TTBK1: variants seen among roughly 807,000 people sequenced by gnomAD.
The protein encoded by TTBK1 is tau-tubulin kinase 1.
TTBK1 carries 34 observed loss-of-function variants against 108.5 expected under a neutral mutation model. The ratio of observed to expected loss-of-function variants is 0.31; its 90% confidence interval spans 0.24 to 0.42. The LOEUF is 0.42. TTBK1 is among the 10% of genes least tolerant of loss of function. The pLI, the probability that TTBK1 is intolerant of heterozygous loss-of-function variation, is 1.00. For synonymous variants in TTBK1, 809 were observed against 795.1 expected, an observed-to-expected ratio of 1.02 and a Z score of -0.29; for missense variants, 1,539 against 1,826.0, an observed-to-expected ratio of 0.84 and a Z score of 2.86.
Position 43,269,322 on chromosome 6 carries a change from C to G in TTBK1, c.1986+5972C>G, listed in dbSNP as rs772236016. 3.9e-5 allele frequency among the ~76,000 whole-genome samples: 6 copies of G among 152,188 alleles called. No homozygotes were observed. The highest frequency in any genetic ancestry group is 3.9e-4 in the Admixed American group (6 of 15,284). ...TCCTGAGAGAAAGGGTTCCCCAGTCCAGAACAACCCTGAGCTAGGTAGGAC... is the reference window on the plus strand; with the variant it reads ...TCCTGAGAGAAAGGGTTCCCCAGTCGAGAACAACCCTGAGCTAGGTAGGAC... On this transcript the variant is annotated intron_variant, in intron 13 of 14. Coordinates refer to ENST00000259750, the MANE Select transcript of TTBK1 (RefSeq NM_032538.3). This position sits in a 1 kb window ranked among gnomAD's most constrained non-coding sequence, Gnocchi z 4.8.
Position 43,253,486 on chromosome 6 carries a change from G to A in TTBK1, c.331-82G>A, listed in dbSNP as rs1443752519. 11 of 1,590,656 alleles carry A rather than the reference G, an allele frequency of 6.9e-6. No homozygotes were observed. The Admixed American group carries it at 1.4e-4, about 20-fold the overall frequency. ...GGCAGTGGGCACAACCCTTTGGGGT[G>A]AGGCTGGGAAGAGTATCACAATGAT... On this transcript the variant is annotated intron_variant, in intron 4 of 14. Transcript: ENST00000259750. The surrounding 1 kb of genome is among the most constrained non-coding windows in gnomAD (Gnocchi z 5.8).
In TTBK1 at chr6:43,255,223, A is replaced by G. The variant is rs1389656247; in HGVS notation, c.642+109A>G. ...AGAGGAGAGTGGGGCAGGGGCTGCAATCTGCCACCCCAGAGACCCTGGGCT... is the reference window on the plus strand; with the variant it reads ...AGAGGAGAGTGGGGCAGGGGCTGCAGTCTGCCACCCCAGAGACCCTGGGCT... On this transcript the variant is annotated intron_variant, in intron 7 of 14. Coordinates refer to ENST00000259750, the MANE Select transcript of TTBK1 (RefSeq NM_032538.3). 5 of 979,718 alleles carry G rather than the reference A, an allele frequency of 5.1e-6. No individual in the cohort carries two copies. The East Asian group carries it at 1.3e-4, about 25-fold the overall frequency. 60.7% of individuals were successfully genotyped at this position (979,718 alleles called of 1,614,324 possible).
At chr6:43,272,750 T>A in intron 13 of TTBK1, 1 of 892,090 alleles carries the variant, frequency 1.1e-6, no homozygotes. Context: ...ATGGTTTGGG[T>A]CGAGTTGCTG....
intron 13 of TTBK1, chr6:43,272,653 G>A (rs551188739): frequency 2.0e-6 from 2 of 985,300 alleles, no homozygotes; most frequent in Middle Eastern, 5.2e-4. Context: ...TTATCTTTTC[G>A]GGGTGGCTTT....
At chr6:43,281,194 C>T (rs1562098687) in intron 13 of TTBK1, among the ~76,000 whole-genome samples, 1 of 151,522 alleles carries the variant, frequency 6.6e-6, no homozygotes, top group Admixed American at 6.6e-5. Flanking sequence ...GCCAACACGG[C>T]GAAACCCCGT....
In TTBK1 at chr6:43,256,466, C is replaced by T. The variant is rs575075873; in HGVS notation, c.861+610C>T. On this transcript the variant is annotated intron_variant, in intron 9 of 14. Coordinates refer to ENST00000259750, the MANE Select transcript of TTBK1 (RefSeq NM_032538.3). ...TAACAATTAATGAAGCTGGCCGGTGCGGTGGCTCACACCTGTAATCCCAGC... is the reference window on the plus strand; with the variant it reads ...TAACAATTAATGAAGCTGGCCGGTGTGGTGGCTCACACCTGTAATCCCAGC... Among the ~76,000 whole-genome samples the T allele has an allele frequency of 6.0e-5, 9 of 149,306 alleles. No individual in the cohort carries two copies. In the South Asian group the frequency reaches 1.4e-3, roughly 23 times the overall value.
chr6:43,263,368 C>A lies in TTBK1; in HGVS notation c.1986+18C>A, dbSNP rs1167025027. On this transcript the variant is annotated intron_variant, in intron 13 of 14. Coordinates refer to ENST00000259750, the MANE Select transcript of TTBK1 (RefSeq NM_032538.3). This position sits in a 1 kb window ranked among gnomAD's most constrained non-coding sequence, Gnocchi z 4.7. The stretch of plus-strand genomic sequence containing the variant: ...AGAGACAGGTAAGGTTGGGCTTGCA[C>A]CCCACTCCCCATCTCCAGATGCCCA... 2.1e-6 allele frequency: 3 copies of A among 1,449,180 alleles called. No homozygotes were observed. The highest frequency in any genetic ancestry group is 2.0e-4 in the Middle Eastern group (1 of 5,066). 89.8% of individuals were successfully genotyped at this position (1,449,180 alleles called of 1,614,324 possible). A position where few individuals can be genotyped will look rare whatever the true frequency, so the allele number is the denominator to read the frequency against.
At chr6:43,258,096 G>T (rs1777426802) in intron 10 of TTBK1, 130 bp downstream of exon 10, 1 of 1,074,786 alleles carries the variant, frequency 9.3e-7, no homozygotes, top group Non-Finnish European at 1.3e-6. Flanking sequence ...GTGGAGTTCT[G>T]GGACTTTGGG....
intron 13 of TTBK1, chr6:43,270,227 A>C: frequency 7.9e-7 from 1 of 1,262,816 alleles, no homozygotes; most frequent in Non-Finnish European, 9.9e-7. Flanking sequence ...AGGACAGGGC[A>C]GGGGCGCTCA....
At chr6:43,281,184 G>A (rs1778148986) in intron 13 of TTBK1, among the ~76,000 whole-genome samples, 1 of 151,912 alleles carries the variant, frequency 6.6e-6, no homozygotes, top group South Asian at 2.1e-4. Flanking sequence ...GACCAGCCTG[G>A]CCAACACGGC....
chr6:43,255,185 G>T, intron 7 of TTBK1, 71 bp downstream of exon 7: 1 of 1,198,624 alleles, frequency 8.3e-7, no homozygotes. Context: ...TGTGCTGCTG[G>T]GGAGGGGTGG....
At chr6:43,264,745 A>T (rs571129299) in intron 13 of TTBK1, among the ~76,000 whole-genome samples, 1 of 152,238 alleles carries the variant, frequency 6.6e-6, no homozygotes, top group East Asian at 1.9e-4. Context: ...TCCCATGATC[A>T]GGGCGGGCTT....
intron 2 of TTBK1, among the ~76,000 whole-genome samples, chr6:43,252,049 G>C (rs1253755590): frequency 6.6e-6 from 1 of 152,128 alleles, no homozygotes; most frequent in Non-Finnish European, 1.5e-5. Context: ...GGGGATGGGG[G>C]AACATGATAT....
intron 13 of TTBK1, among the ~76,000 whole-genome samples, chr6:43,275,657 C>A (rs916927771): frequency 2.6e-5 from 4 of 151,532 alleles, no homozygotes; most frequent in Non-Finnish European, 5.9e-5. Flanking sequence ...TGAGGGGGAG[C>A]AGAGCTTTGA....
In TTBK1 at chr6:43,259,916, G is replaced by T. The variant is rs931744005; in HGVS notation, c.1424+210G>T. 6.6e-6 allele frequency among the ~76,000 whole-genome samples: 1 copy of T among 152,236 alleles called. No homozygotes were observed. The highest frequency in any genetic ancestry group is 1.5e-5 in the Non-Finnish European group (1 of 68,044). On this transcript the variant is annotated intron_variant, in intron 12 of 14. Transcript: ENST00000259750. The surrounding 1 kb of genome is among the most constrained non-coding windows in gnomAD (Gnocchi z 6.7). The stretch of plus-strand genomic sequence containing the variant: ...GGGATCCAGAGAGGTCCCGGCTCAT[G>T]CCAGGAAACGTAATTGGGTGAGTGC...
chr6:43,247,087 G>T (rs1428646883), intron 2 of TTBK1, among the ~76,000 whole-genome samples: 1 of 152,168 alleles, frequency 6.6e-6, no homozygotes, highest in Non-Finnish European at 1.5e-5. Context: ...AGGAAGAGGG[G>T]TGGGGGAGGG....
chr6:43,259,255 A>G lies in TTBK1; in HGVS notation c.1234A>G (p.Ile412Val). The G allele has an allele frequency of 6.4e-7, 1 of 1,554,194 alleles. No homozygotes were observed. The highest frequency in any genetic ancestry group is 1.4e-5 in the African/African-American group (1 of 73,060). The change falls in exon 11 of 15, where the codon ATC becomes GTC. Residue 412 changes from isoleucine to valine, a missense_variant. Physicochemically the swap from Ile to Val is conservative, Grantham distance 29. Transcript: ENST00000259750. The surrounding 1 kb of genome is among the most constrained non-coding windows in gnomAD (Gnocchi z 6.7). ...ETDVNRNKLR[I>V]NIGKSPCVEE... ...AGATGTCAACCGGAACAAACTCCGG[A>G]TCAACATCGGCAAAGTAACTGCCGC...
In TTBK1 at chr6:43,285,050, C is replaced by G; in HGVS notation, c.3640C>G (p.Arg1214Gly). Residue 1214 changes from arginine to glycine, a missense_variant, in exon 15 of 15, where the codon CGC becomes GGC. Physicochemically the swap from Arg to Gly is moderately radical, Grantham distance 125. This residue lies in a region of TTBK1 where 1,055 missense variants were observed against 1,086.5 expected (regional missense o/e 0.97). Coordinates refer to ENST00000259750, the MANE Select transcript of TTBK1 (RefSeq NM_032538.3). The surrounding 1 kb of genome is among the most constrained non-coding windows in gnomAD (Gnocchi z 4.7). ...ADLRPKQPPG[R>G]GLGPGRAQAG... ...CCTCCGCCCCAAACAACCTCCTGGC[C>G]GCGGCCTGGGCCCAGGGCGAGCCCA... is the stretch of plus-strand genomic sequence containing the variant. 9 of 1,511,360 alleles carry G rather than the reference C, an allele frequency of 6.0e-6. No homozygotes were observed. Among genetic ancestry groups the G allele is most frequent in the Non-Finnish European group, 7.9e-6 (9 of 1,136,504 alleles). The allele number at this position is 1,511,360 out of a possible 1,614,324, so 93.6% of individuals were successfully genotyped here.
chr6:43,253,608 G>T lies in TTBK1; in HGVS notation c.371G>T (p.Gly124Val). The change falls in exon 5 of 15, where the codon GGC (glycine) becomes GTC (valine). Residue 124 changes from glycine to valine, a missense_variant. Gly to Val is a moderately radical substitution (Grantham distance 109). This residue lies in a region of TTBK1 where 155 missense variants were observed against 348.5 expected (regional missense o/e 0.44). Transcript: ENST00000259750. The surrounding 1 kb of genome is among the most constrained non-coding windows in gnomAD (Gnocchi z 5.8). ...LADLRRSQPR[G>V]TFTLSTTLRL... is the part of the protein sequence containing the mutation. The stretch of plus-strand genomic sequence containing the variant: ...GACCTGCGCCGTAGCCAGCCGCGAG[G>T]CACCTTCACGCTGAGCACCACATTG... 1 of 1,613,114 alleles carries T rather than the reference G, an allele frequency of 6.2e-7. No individual in the cohort carries two copies. The highest frequency in any genetic ancestry group is 8.5e-7 in the Non-Finnish European group (1 of 1,179,718).
Sources: allele counts gnomAD v4.1 joint callset (sites outside exome capture counted in the v4.1 genomes callset), GRCh38; gene constraint gnomAD v4.1.1; regional missense constraint gnomAD v4.1.1; non-coding constraint Gnocchi (gnomAD v3.1); transcripts MANE v1.5; gene names NCBI Gene and HGNC (gene_info 2026-07-23, HGNC 2026-07-21).